Variants in STAM observed in about 807,000 individuals in gnomAD.
STAM encodes signal transducing adaptor molecule.
Under a neutral mutation model 63.4 loss-of-function variants are expected in STAM, and 16 were observed. The ratio of observed to expected loss-of-function variants is 0.25; its 90% CI spans 0.17 to 0.38. The LOEUF is 0.38. STAM is among the 10% of genes least tolerant of loss of function. STAM has a pLI of 1.00. For synonymous variants in STAM, 238 were observed against 223.9 expected, an observed-to-expected ratio of 1.06 and a Z score of -0.56; for missense variants, 636 against 657.1, an observed-to-expected ratio of 0.97 and a Z score of 0.35.
At chr10:17,689,129 A>T (rs1835424477) in intron 5 of STAM, among the ~76,000 whole-genome samples, 2 of 152,228 alleles carry the variant, frequency 1.3e-5, no homozygotes, top group African/African-American at 4.8e-5. Flanking sequence ...ATGTAGAAAA[A>T]AATCAAGAAA....
chr10:17,707,409 C>T (rs1337291352), intron 12 of STAM, among the ~76,000 whole-genome samples: 1 of 151,566 alleles, frequency 6.6e-6, no homozygotes, highest in Non-Finnish European at 1.5e-5. Flanking sequence ...GACTCCACCT[C>T]AAAAAATAAT....
chr10:17,698,277 T>C (rs1835846203), intron 8 of STAM, among the ~76,000 whole-genome samples: 1 of 152,160 alleles, frequency 6.6e-6, no homozygotes, highest in East Asian at 1.9e-4. Context: ...TGCTGACTTT[T>C]TAATAACCTG....
At chr10:17,714,444 G>T (rs2131711156) in intron 13 of STAM, 99 bp from the exon 14 acceptor site, 9 of 1,115,528 alleles carry the variant, frequency 8.1e-6, no homozygotes, top group Middle Eastern at 4.1e-4. Context: ...TAAATGAATT[G>T]ACTATATGAA....
intron 8 of STAM, among the ~76,000 whole-genome samples, chr10:17,697,435 T>A (rs1835810207): frequency 6.6e-6 from 1 of 152,188 alleles, no homozygotes. Context: ...AAAGCAGTGT[T>A]CTCCAAGCAA....
In STAM at chr10:17,685,068, A is replaced by G. The variant is rs1364940776; in HGVS notation, c.297+141A>G. 6 of 627,598 alleles carry G rather than the reference A, an allele frequency of 9.6e-6. No homozygotes were observed. The Admixed American group carries it at 1.8e-4, about 18-fold the overall frequency. 38.9% of individuals were successfully genotyped at this position (627,598 alleles called of 1,614,324 possible). A position where few individuals can be genotyped will look rare whatever the true frequency, so the allele number is the denominator to read the frequency against. On this transcript the variant is annotated intron_variant, in intron 4 of 13. Transcript: ENST00000377524. ...GTGTCTATCCAGTATATAAATAAATATTATGTTTTGTTGAAGAGACTGCGG... is the reference window on the plus strand; with the variant it reads ...GTGTCTATCCAGTATATAAATAAATGTTATGTTTTGTTGAAGAGACTGCGG...
At chr10:17,693,103 T>A (rs1204714467) in intron 5 of STAM, 119 bp from the exon 6 acceptor site, 5 of 750,026 alleles carry the variant, frequency 6.7e-6, no homozygotes, top group Non-Finnish European at 1.1e-5. Context: ...GCAGTTTGGA[T>A]TTCTTCTTTC....
intron 8 of STAM, 150 bp downstream of exon 8, chr10:17,697,019 AG>A: frequency 3.2e-6 from 2 of 615,940 alleles, no homozygotes; most frequent in South Asian, 4.0e-5. Context: ...TCCTGGGTTC[AG>A]GTGATTCTCC....
intron 2 of STAM, among the ~76,000 whole-genome samples, chr10:17,679,455 T>A (rs1309307028): frequency 6.6e-6 from 1 of 152,226 alleles, no homozygotes; most frequent in Non-Finnish European, 1.5e-5. Flanking sequence ...ATATTCTGGC[T>A]GTTAATCTCT....
chr10:17,644,722 TG>T (rs1833453406), intron 1 of STAM, among the ~76,000 whole-genome samples: 1 of 152,202 alleles, frequency 6.6e-6, no homozygotes, highest in African/African-American at 2.4e-5. Flanking sequence ...AGGCGTATGT[TG>T]GCTAGATTAG....
At chr10:17,680,020 A>T (rs1332212027) in intron 2 of STAM, among the ~76,000 whole-genome samples, 1 of 150,892 alleles carries the variant, frequency 6.6e-6, no homozygotes. Context: ...TTGATCCTTT[A>T]AAAAAAAACT....
At chr10:17,678,251 T>C (rs1554824861) in intron 2 of STAM, among the ~76,000 whole-genome samples, 1 of 126,738 alleles carries the variant, frequency 7.9e-6, no homozygotes, top group Non-Finnish European at 1.7e-5. Context: ...ACTTTCTTCA[T>C]GTGGTGTAAT....
At chr10:17,649,796 A>G (rs1833664843) in intron 1 of STAM, among the ~76,000 whole-genome samples, 1 of 152,066 alleles carries the variant, frequency 6.6e-6, no homozygotes, top group African/African-American at 2.4e-5. Context: ...TTACATTAAT[A>G]TAGATGGGGT....
At chr10:17,645,996 G>A (rs1833505693) in intron 1 of STAM, among the ~76,000 whole-genome samples, 1 of 152,174 alleles carries the variant, frequency 6.6e-6, no homozygotes, top group Non-Finnish European at 1.5e-5. Flanking sequence ...TTGGATTCAG[G>A]TAAATTTCTT....
At chr10:17,714,313 C>A (rs578199485) in intron 13 of STAM, among the ~76,000 whole-genome samples, 13 of 114,978 alleles carry the variant, frequency 1.1e-4, no homozygotes, top group African/African-American at 4.1e-4. Flanking sequence ...CCGCAAACCA[C>A]CCCCCCCAAC....
intron 2 of STAM, among the ~76,000 whole-genome samples, chr10:17,671,014 T>C (rs560890235): frequency 2.0e-5 from 3 of 152,332 alleles, no homozygotes; most frequent in East Asian, 3.9e-4. Context: ...TTCATGCTTA[T>C]GAAAGGCATC....
chr10:17,678,275 G>T (rs1554824869), intron 2 of STAM, among the ~76,000 whole-genome samples: 1 of 123,462 alleles, frequency 8.1e-6, no homozygotes, highest in Non-Finnish European at 1.9e-5. Flanking sequence ...TTTTTTGGAA[G>T]ACAGAGTCTC....
chr10:17,674,637 G>A (rs1376684916), intron 2 of STAM, among the ~76,000 whole-genome samples: 1 of 152,142 alleles, frequency 6.6e-6, no homozygotes, highest in African/African-American at 2.4e-5. Flanking sequence ...TGTAAGTTAT[G>A]TGTCTCAGAA....
chr10:17,674,134 A>C (rs1834753067), intron 2 of STAM, among the ~76,000 whole-genome samples: 1 of 152,158 alleles, frequency 6.6e-6, no homozygotes, highest in Non-Finnish European at 1.5e-5. Context: ...AATTTATTTA[A>C]ATATGTATTA....
chr10:17,670,004 A>G (rs1401739688), intron 2 of STAM, among the ~76,000 whole-genome samples: 1 of 149,888 alleles, frequency 6.7e-6, no homozygotes, highest in African/African-American at 2.5e-5. Flanking sequence ...TGCTGGGATC[A>G]CAGGCGTGAG....
Sources: gnomAD v4.1 joint callset for allele counts (sites outside exome capture counted in the v4.1 genomes callset) on GRCh38, gnomAD v4.1.1 for gene constraint, MANE v1.5 for transcripts, NCBI Gene and HGNC (gene_info 2026-07-23, HGNC 2026-07-21) for gene names.